The following OR2L13 variants were observed in gnomAD, a reference collection of about 807,000 sequenced individuals.
The protein encoded by OR2L13 is olfactory receptor family 2 subfamily L member 13, also known as olfactory receptor 2L13.
Under a neutral mutation model 15.3 loss-of-function variants are expected in OR2L13, and 14 were observed. The ratio of observed to expected loss-of-function variants is 0.91; its 90% CI spans 0.60 to 1.43. The LOEUF is 1.43. Among genes scored for constraint, OR2L13 ranks in the 40% most tolerant of loss-of-function variants. The pLI, the probability that OR2L13 is intolerant of heterozygous loss-of-function variation, is 0.00. For synonymous variants in OR2L13, 152 were observed against 142.9 expected (o/e 1.06, Z -0.45); for missense variants, 367 against 387.9 (o/e 0.95, Z 0.45).
chr1:248,099,231 C>A, intron 2 of OR2L13, 127 bp from the exon 3 acceptor site: 2 of 616,298 alleles, frequency 3.2e-6, no homozygotes, highest in Non-Finnish European at 5.8e-6. Context: ...TAAAAAAAAC[C>A]TGCAGTGTTA....
the OR2L13 span, among the ~76,000 whole-genome samples, chr1:247,950,862 C>T: frequency 6.0e-4 from 91 of 151,994 alleles, no homozygotes; most frequent in African/African-American, 2.1e-3. Context: ...CTGTAGCAAA[C>T]AATAATTCAT....
At chr1:247,953,604 C>A in the OR2L13 span, among the ~76,000 whole-genome samples, 1 of 152,100 alleles carries the variant, frequency 6.6e-6, no homozygotes, top group Non-Finnish European at 1.5e-5. Context: ...CACAAATATG[C>A]TAAGTTGGCA....
upstream of OR2L13, among the ~76,000 whole-genome samples, chr1:248,096,248 T>A (rs545710505): frequency 1.2e-3 from 175 of 151,524 alleles, 1 homozygote; most frequent in African/African-American, 4.1e-3. Context: ...CCGGGCGTGG[T>A]GGTGGGCGCC....
At chr1:247,960,264 G>A in the OR2L13 span, among the ~76,000 whole-genome samples, 3 of 152,210 alleles carry the variant, frequency 2.0e-5, no homozygotes, top group African/African-American at 7.2e-5. Context: ...GGATATTGGT[G>A]AACAGCAAGT....
At chr1:248,048,008 G>A in the OR2L13 span, among the ~76,000 whole-genome samples, 658 of 152,270 alleles carry the variant, frequency 4.3e-3, 3 homozygotes, top group Non-Finnish European at 7.4e-3. Context: ...GGTAGAATTC[G>A]ATTTATTTTA....
chr1:248,078,448 G>A, the OR2L13 span, among the ~76,000 whole-genome samples: 3 of 151,706 alleles, frequency 2.0e-5, no homozygotes, highest in South Asian at 2.1e-4. Flanking sequence ...ATTCCAGCCT[G>A]GCAACAGAGC....
At chr1:247,960,795 G>T in the OR2L13 span, among the ~76,000 whole-genome samples, 4 of 152,178 alleles carry the variant, frequency 2.6e-5, no homozygotes, top group Admixed American at 1.3e-4. Flanking sequence ...CGAAAGTGCA[G>T]TATTAGGGTG....
the OR2L13 span, among the ~76,000 whole-genome samples, chr1:247,957,372 G>A: frequency 2.0e-5 from 3 of 152,058 alleles, no homozygotes; most frequent in East Asian, 1.9e-4. Flanking sequence ...TTTTTGCGTC[G>A]ATGTTCATCA....
At chr1:248,096,308 G>A (rs1014303912), upstream of OR2L13, among the ~76,000 whole-genome samples, 8 of 151,864 alleles carry the variant, frequency 5.3e-5, no homozygotes, top group African/African-American at 1.7e-4. Flanking sequence ...GCGTGAACCC[G>A]GGAGGCGGAG....
At chr1:248,043,378 C>T in the OR2L13 span, among the ~76,000 whole-genome samples, 2 of 152,090 alleles carry the variant, frequency 1.3e-5, no homozygotes, top group East Asian at 3.8e-4. Context: ...AACAGTCCCA[C>T]GGCCACAGAT....
chr1:248,033,938 C>G, the OR2L13 span, among the ~76,000 whole-genome samples: 772 of 152,276 alleles, frequency 5.1e-3, 5 homozygotes, highest in African/African-American at 0.017. Context: ...GGAAGCCAAA[C>G]TGTCCCTCTT....
At chr1:247,965,760 C>A in the OR2L13 span, 2 of 1,579,326 alleles carry the variant, frequency 1.3e-6, no homozygotes, top group African/African-American at 1.4e-5. Flanking sequence ...CTATCTGTCA[C>A]CCTTTACATT....
chr1:247,994,319 C>T, the OR2L13 span, among the ~76,000 whole-genome samples: 3 of 152,228 alleles, frequency 2.0e-5, no homozygotes, highest in Non-Finnish European at 4.4e-5. Flanking sequence ...ATGGCGTGAA[C>T]CCGGGAGGCG....
the OR2L13 span, among the ~76,000 whole-genome samples, chr1:248,085,873 T>G: frequency 8.8e-4 from 134 of 152,214 alleles, 2 homozygotes; most frequent in African/African-American, 2.9e-3. Context: ...CAGTTCACAA[T>G]AGGGCTCACA....
chr1:248,042,768 T>C, the OR2L13 span, among the ~76,000 whole-genome samples: 1 of 152,172 alleles, frequency 6.6e-6, no homozygotes, highest in African/African-American at 2.4e-5. Context: ...TTTAAAACTC[T>C]CTTTCTCATA....
At chr1:247,978,842 G>GGCCAC in the OR2L13 span, among the ~76,000 whole-genome samples, 6 of 151,838 alleles carry the variant, frequency 4.0e-5, no homozygotes, top group African/African-American at 9.7e-5. Flanking sequence ...ACTCGGACCT[G>GGCCAC]TCTACTCTCC....
the OR2L13 span, among the ~76,000 whole-genome samples, chr1:248,076,344 C>G: frequency 2.6e-5 from 4 of 152,120 alleles, no homozygotes; most frequent in Non-Finnish European, 4.4e-5. Flanking sequence ...TTTTTGGTTC[C>G]ATATGAACTT....
the OR2L13 span, among the ~76,000 whole-genome samples, chr1:247,971,568 ATAAAG>A: frequency 9.2e-3 from 1,397 of 152,242 alleles, 32 homozygotes; most frequent in African/African-American, 0.032. Flanking sequence ...CCTCATCTAG[ATAAAG>A]TAAAGTGAGT....
At chr1:248,039,075 G>A in the OR2L13 span, 1 of 1,614,014 alleles carries the variant, frequency 6.2e-7, no homozygotes, top group East Asian at 2.2e-5. Flanking sequence ...TCCAACAGAG[G>A]ACAAGATTCT....
Sources: gnomAD v4.1 joint callset for allele counts (sites outside exome capture counted in the v4.1 genomes callset) on GRCh38, gnomAD v4.1.1 for gene constraint, MANE v1.5 for transcripts, NCBI Gene and HGNC (gene_info 2026-07-23, HGNC 2026-07-21) for gene names.